Variants in MAN2B1 observed in about 807,000 individuals in gnomAD.
MAN2B1 encodes the protein mannosidase alpha class 2B member 1, also known as lysosomal alpha-mannosidase.
MAN2B1 carries 99 observed loss-of-function variants against 127.5 expected under a neutral mutation model. That is an observed-to-expected ratio of 0.78 (90% CI 0.66 to 0.92). The LOEUF (loss-of-function observed/expected upper bound fraction) is 0.92, where lower values mean the gene tolerates loss of function less well. MAN2B1 is among the 40% of genes least tolerant of loss of function. The pLI, the probability that MAN2B1 is intolerant of heterozygous loss-of-function variation, is 0.00. For synonymous variants in MAN2B1, 573 were observed against 568.8 expected, an observed-to-expected ratio of 1.01 and a Z score of -0.11; for missense variants, 1,304 against 1,384.8, an observed-to-expected ratio of 0.94 and a Z score of 0.93.
chr19:12,647,119 A>G lies in MAN2B1; in HGVS notation c.2923+114T>C. ...CTAACCTGGGTCTGGACTCTGCCCC[A>G]TACCCTCATGACCTTTTTGGGTCCT... On this transcript the variant is annotated intron_variant, in intron 23 of 23. Transcript: ENST00000456935. This position sits in a 1 kb window ranked among gnomAD's most constrained non-coding sequence, Gnocchi z 4.9. 9.8e-7 allele frequency: 1 copy of G among 1,020,360 alleles called. No individual in the cohort carries two copies. The highest frequency in any genetic ancestry group is 1.5e-6 in the Non-Finnish European group (1 of 648,774). The allele number at this position is 1,020,360 out of a possible 1,614,324, so 63.2% of individuals were successfully genotyped here. A position where few individuals can be genotyped will look rare whatever the true frequency, so the allele number is the denominator to read the frequency against.
chr19:12,657,371 T>G (rs1013930878), intron 11 of MAN2B1, 75 bp downstream of exon 11: 7 of 1,321,424 alleles, frequency 5.3e-6, no homozygotes, highest in Non-Finnish European at 7.3e-6. Context: ...CACCTGTCTC[T>G]GTCCCCTTTC....
chr19:12,658,367 G>GGCA, intron 8 of MAN2B1, 23 bp from the exon 9 acceptor site: 1 of 1,614,200 alleles, frequency 6.2e-7, no homozygotes, highest in Non-Finnish European at 8.5e-7. Flanking sequence ...GGGCATTGAG[G>GGCA]GCAGGGTCAT....
intron 7 of MAN2B1, among the ~76,000 whole-genome samples, chr19:12,659,990 G>A (rs1030059444): frequency 2.0e-5 from 3 of 152,098 alleles, no homozygotes; most frequent in African/African-American, 4.8e-5. Flanking sequence ...AGATGGGAGA[G>A]GGGAGACAAG....
rs962577495 is a variant in MAN2B1 at position 12,655,977 on chromosome 19, T to C, written c.1645-98A>G. The C allele has an allele frequency of 1.2e-5, 11 of 932,222 alleles. No individual in the cohort carries two copies. In the African/African-American group the frequency reaches 1.5e-4, roughly 13 times the overall value. The allele number at this position is 932,222 out of a possible 1,614,324, so 57.7% of individuals were successfully genotyped here. Reference sequence around the variant, plus strand: ...TCAAGGAAGGAAAAGAGTCCTGAGATGGGGAAAGGAAATGGAGGTGTGTGT... The same window carrying C: ...TCAAGGAAGGAAAAGAGTCCTGAGACGGGGAAAGGAAATGGAGGTGTGTGT... On this transcript the variant is annotated intron_variant, in intron 13 of 23. Transcript: ENST00000456935.
intron 14 of MAN2B1, among the ~76,000 whole-genome samples, chr19:12,652,895 C>T (rs2023874829): frequency 6.7e-6 from 1 of 148,226 alleles, no homozygotes; most frequent in Admixed American, 6.7e-5. Context: ...AGTGCAGGGG[C>T]GCAATCTCTG....
At position 12,650,131 on chromosome 19, in the gene MAN2B1, T is replaced by A. The variant is rs2023807750; in HGVS notation, c.2138A>T (p.Glu713Val). ...CACAGGTATCGGCCCCACCGACCAC[T>A]CTAGCTCCAGGTGCCGCTGTCCTGG... ...LYPGQRHLEL[E>V]WSVGPIPVGD... The change falls in exon 17 of 24, where the codon GAG becomes GTG. Residue 713 changes from glutamate (E) to valine (V), a missense_variant. By Grantham distance (121) the Glu-to-Val change is moderately radical (BLOSUM62 -2). Coordinates refer to ENST00000456935, the MANE Select transcript of MAN2B1 (RefSeq NM_000528.4). 6.2e-7 allele frequency: 1 copy of A among 1,613,842 alleles called. No homozygotes were observed. Among genetic ancestry groups the A allele is most frequent in the South Asian group, 1.1e-5 (1 of 91,078 alleles).
intron 14 of MAN2B1, among the ~76,000 whole-genome samples, 170 bp downstream of exon 14, chr19:12,655,524 A>G (rs2023934047): frequency 2.6e-5 from 4 of 152,182 alleles, no homozygotes; most frequent in Admixed American, 2.0e-4. Flanking sequence ...CAGTCCCAGG[A>G]AAGGACACTG....
chr19:12,650,172 C>T lies in MAN2B1; in HGVS notation c.2097G>A (p.Gln699=), dbSNP rs140449678. ...VHQNFSAWCS[Q]VVRLYPGQRH... ...GCTGTCCTGGGTACAGGCGAACCAC[C>T]TGGGAACACCAAGCTGAGAAGTTCT... The change falls in exon 17 of 24, where the codon CAG becomes CAA. Residue 699 remains glutamine, a synonymous_variant. Coordinates refer to ENST00000456935, the MANE Select transcript of MAN2B1 (RefSeq NM_000528.4). The T allele has an allele frequency of 1.7e-5, 27 of 1,613,934 alleles. No individual in the cohort carries two copies. Among genetic ancestry groups the T allele is most frequent in the Middle Eastern group, 1.6e-4 (1 of 6,084 alleles).
intron 3 of MAN2B1, 169 bp downstream of exon 3, chr19:12,665,183 G>A: frequency 9.6e-7 from 1 of 1,036,486 alleles, no homozygotes; most frequent in Non-Finnish European, 1.5e-6. Context: ...TGCACAGCAG[G>A]TGGGGCTTTG....
chr19:12,647,771 A>G lies in MAN2B1; in HGVS notation c.2665-173T>C. On this transcript the variant is annotated intron_variant, in intron 21 of 23. Coordinates refer to ENST00000456935, the MANE Select transcript of MAN2B1 (RefSeq NM_000528.4). This position sits in a 1 kb window ranked among gnomAD's most constrained non-coding sequence, Gnocchi z 4.9. ...GGCCGTGACAGGGAGGACTGAGCCA[A>G]TGGGGAGATGGGTCGGTCCCAAGCT... 3 of 616,920 alleles carry G rather than the reference A, an allele frequency of 4.9e-6. No homozygotes were observed. The highest frequency in any genetic ancestry group is 8.5e-6 in the Non-Finnish European group (3 of 351,776). The allele number at this position is 616,920 out of a possible 1,614,324, so 38.2% of individuals were successfully genotyped here.
At chr19:12,649,846 T>TCCCCCACCCCC in intron 18 of MAN2B1, 67 bp downstream of exon 18, 1 of 1,330,398 alleles carries the variant, frequency 7.5e-7, no homozygotes. Context: ...TCAGCAAATT[T>TCCCCCACCCCC]CCCTCACCAC....
intron 20 of MAN2B1, among the ~76,000 whole-genome samples, chr19:12,648,887 C>T (rs1452533388): frequency 3.3e-5 from 5 of 152,114 alleles, no homozygotes; most frequent in African/African-American, 4.8e-5. Context: ...CCCAGCTACT[C>T]GGAAGGCTGA....
intron 11 of MAN2B1, 22 bp from the exon 12 acceptor site, chr19:12,657,078 C>T (rs2023981140): frequency 2.0e-6 from 3 of 1,480,590 alleles, no homozygotes; most frequent in South Asian, 1.2e-5. Flanking sequence ...CGCAAAGGGA[C>T]CGGTGGGTTC....
In MAN2B1 at chr19:12,648,396, G is replaced by C; in HGVS notation, c.2443C>G (p.Arg815Gly). Residue 815 changes from arginine to glycine, a missense_variant, in exon 21 of 24, where the codon CGA (arginine) becomes GGA (glycine). Coordinates refer to ENST00000456935, the MANE Select transcript of MAN2B1 (RefSeq NM_000528.4). Reference sequence around the variant, plus strand: ...CGTCCATCGTCCTTCAGCAGCCTTCGGTGCACCTGGGGGGAGAGTGGCCAG... The same window carrying C: ...CGTCCATCGTCCTTCAGCAGCCTTCCGTGCACCTGGGGGGAGAGTGGCCAG... The part of the protein sequence containing the change: ...RDGSLELMVH[R>G]RLLKDDGRGV... 1 of 1,611,502 alleles carries C rather than the reference G, an allele frequency of 6.2e-7. No homozygotes were observed. Among genetic ancestry groups the C allele is most frequent in the Non-Finnish European group, 8.5e-7 (1 of 1,178,436 alleles).
At position 12,665,748 on chromosome 19, in the gene MAN2B1, CAT is replaced by C. The variant is rs2145290706; in HGVS notation, c.215_216del (p.His72ArgfsTer2). Reference protein sequence around the residue: ...MLNVHLLPHTHDDVGWLKTVD... With the variant: ...MLNVHLLPHTXDDVGWLKTVD... ...ACGGTTTTGAGCCAGCCCACGTCAT[CAT>C]GTGTGTGAGGCAGCAGGTGCACGTT... On this transcript the variant is annotated frameshift_variant, in exon 2 of 24. Coordinates refer to ENST00000456935, the MANE Select transcript of MAN2B1 (RefSeq NM_000528.4). LOFTEE classifies it high-confidence loss of function. The C allele has an allele frequency of 1.2e-6, 2 of 1,614,188 alleles. No homozygotes were observed. Among genetic ancestry groups the C allele is most frequent in the Non-Finnish European group, 1.7e-6 (2 of 1,180,046 alleles).
chr19:12,648,903 G>C (rs1204338046), intron 20 of MAN2B1, among the ~76,000 whole-genome samples: 15 of 152,214 alleles, frequency 9.9e-5, no homozygotes. Flanking sequence ...GCTGAGGCAG[G>C]ACAATCACTT....
At chr19:12,649,255 C>T (rs2023777088) in intron 19 of MAN2B1, 39 bp from the exon 20 acceptor site, 3 of 1,607,160 alleles carry the variant, frequency 1.9e-6, no homozygotes, top group Non-Finnish European at 2.6e-6. Flanking sequence ...CAGTCAACCC[C>T]AACCCCAGGC....
intron 14 of MAN2B1, among the ~76,000 whole-genome samples, chr19:12,653,515 T>C (rs2023891392): frequency 6.6e-6 from 1 of 151,940 alleles, no homozygotes; most frequent in African/African-American, 2.4e-5. Context: ...TCCCAGAACT[T>C]TGGGAGACCA....
intron 16 of MAN2B1, among the ~76,000 whole-genome samples, 173 bp from the exon 17 acceptor site, chr19:12,650,395 T>G (rs1288499128): frequency 6.0e-5 from 9 of 151,198 alleles, no homozygotes; most frequent in Admixed American, 2.0e-4. Flanking sequence ...GTCTCGCTCT[T>G]TTGCCCAGGC....
Sources: allele counts gnomAD v4.1 joint callset (sites outside exome capture counted in the v4.1 genomes callset), GRCh38; gene constraint gnomAD v4.1.1; non-coding constraint Gnocchi (gnomAD v3.1); transcripts MANE v1.5; gene names NCBI Gene and HGNC (gene_info 2026-07-23, HGNC 2026-07-21).